RBFOX1: variants seen among roughly 807,000 people sequenced by gnomAD.
RBFOX1 encodes the protein RNA binding protein fox-1 homolog 1.
In RBFOX1, 8 loss-of-function variants were observed where a neutral mutation model predicts 57.7. The ratio of observed to expected loss-of-function variants is 0.14; its 90% confidence interval spans 0.08 to 0.25. The LOEUF is 0.25. Among genes scored for constraint, RBFOX1 ranks in the 10% least tolerant of loss-of-function variants. The pLI, the probability that RBFOX1 is intolerant of heterozygous loss-of-function variation, is 1.00. For synonymous variants in RBFOX1, 326 were observed against 222.4 expected (o/e 1.47, Z -4.15); for missense variants, 611 against 548.5 (o/e 1.11, Z -1.14).
intron 3 of RBFOX1, among the ~76,000 whole-genome samples, chr16:5,672,275 T>C (rs954142742): frequency 5.9e-5 from 9 of 152,086 alleles, no homozygotes; most frequent in Non-Finnish European, 1.0e-4. Flanking sequence ...CTCTGATGAG[T>C]AAAATGAATT....
At chr16:6,568,331 G>A (rs1387362402) in intron 2 of RBFOX1, among the ~76,000 whole-genome samples, 2 of 152,144 alleles carry the variant, frequency 1.3e-5, no homozygotes, top group African/African-American at 2.4e-5. Flanking sequence ...ATATTGGCAG[G>A]CCTCAGTTCT....
intron 1 of RBFOX1, among the ~76,000 whole-genome samples, chr16:6,132,399 G>A (rs115562408): frequency 2.6e-4 from 39 of 152,272 alleles, no homozygotes; most frequent in African/African-American, 8.4e-4. Context: ...CCACAGATAC[G>A]GTTACCACAG....
chr16:7,175,531 G>A (rs535331939), intron 4 of RBFOX1, among the ~76,000 whole-genome samples: 2 of 152,268 alleles, frequency 1.3e-5, no homozygotes, highest in South Asian at 4.1e-4. Flanking sequence ...TGGGCTGGTT[G>A]TGTGAACATG....
At chr16:6,293,172 T>C (rs2077651628) in intron 1 of RBFOX1, among the ~76,000 whole-genome samples, 1 of 152,162 alleles carries the variant, frequency 6.6e-6, no homozygotes, top group African/African-American at 2.4e-5. Flanking sequence ...ATTAAGTGGG[T>C]AATATTGTCA....
At chr16:5,610,486 G>C (rs1028893462) in intron 3 of RBFOX1, 1 of 152,190 alleles carries the variant, frequency 6.6e-6, no homozygotes, top group African/African-American at 2.4e-5. Flanking sequence ...ACCTAAAACT[G>C]TGGTCTTGGC....
At chr16:7,069,356 G>A (rs562460070) in intron 4 of RBFOX1, among the ~76,000 whole-genome samples, 79 of 152,146 alleles carry the variant, frequency 5.2e-4, no homozygotes, top group African/African-American at 1.8e-3. Flanking sequence ...CCTCCCATCA[G>A]TCTCCCCAAA....
intron 4 of RBFOX1, among the ~76,000 whole-genome samples, chr16:7,127,139 C>G (rs1428124717): frequency 6.6e-6 from 1 of 151,936 alleles, no homozygotes; most frequent in Non-Finnish European, 1.5e-5. Flanking sequence ...GGCTGGTGTT[C>G]TACCCCTGAC....
intron 4 of RBFOX1, among the ~76,000 whole-genome samples, chr16:7,152,942 G>A (rs1182006561): frequency 6.6e-6 from 1 of 152,126 alleles, no homozygotes; most frequent in Non-Finnish European, 1.5e-5. Context: ...AGGCAAGGAG[G>A]GAACCAAGGA....
rs551310588 is a variant in RBFOX1, at chr16:6,853,148, C to T, written c.-16+198498C>T. Among the ~76,000 whole-genome samples, 37 of 152,314 alleles carry T rather than the reference C, an allele frequency of 2.4e-4. 1 individual carries two copies. Among genetic ancestry groups the T allele is most frequent in the Non-Finnish European group, 1.3e-4 (9 of 68,030 alleles). On this transcript the variant is annotated intron_variant, in intron 3 of 15. Coordinates refer to ENST00000550418, the MANE Select transcript of RBFOX1 (RefSeq NM_018723.4). ...GTGCGAACTTGGGAAAGCTGCTTAA[C>T]TTCTCTGAGCCTGAGTTTCCTCCTT...
At chr16:7,452,996 G>T (rs1342092066) in intron 4 of RBFOX1, among the ~76,000 whole-genome samples, 2 of 152,008 alleles carry the variant, frequency 1.3e-5, no homozygotes, top group African/African-American at 2.4e-5. Context: ...GGGCATGGTG[G>T]TGCATGCCTG....
At chr16:7,368,716 C>T (rs1416368965) in intron 4 of RBFOX1, among the ~76,000 whole-genome samples, 1 of 150,310 alleles carries the variant, frequency 6.7e-6, no homozygotes, top group Non-Finnish European at 1.5e-5. Flanking sequence ...GGAGACAGAG[C>T]TTGCAGTGAG....
At chr16:6,582,461 A>ATTTT (rs5815331) in intron 2 of RBFOX1, among the ~76,000 whole-genome samples, 147 of 146,968 alleles carry the variant, frequency 1.0e-3, no homozygotes, top group Non-Finnish European at 1.3e-3. Context: ...GTTAGCGCCA[A>ATTTT]TTTTTTTTTT....
intron 3 of RBFOX1, among the ~76,000 whole-genome samples, chr16:6,669,059 T>C (rs1470440340): frequency 6.6e-6 from 1 of 152,222 alleles, no homozygotes; most frequent in African/African-American, 2.4e-5. Context: ...ACACTTTAGA[T>C]AGAAAGCATG....
At chr16:6,756,712 C>T (rs2075840082) in intron 3 of RBFOX1, among the ~76,000 whole-genome samples, 1 of 152,220 alleles carries the variant, frequency 6.6e-6, no homozygotes, top group African/African-American at 2.4e-5. Context: ...TGGTTCACGC[C>T]TGTAATCCCA....
At chr16:6,933,959 T>G (rs1440880611) in intron 3 of RBFOX1, among the ~76,000 whole-genome samples, 1 of 152,146 alleles carries the variant, frequency 6.6e-6, no homozygotes, top group Non-Finnish European at 1.5e-5. Flanking sequence ...AAAATCAAAG[T>G]ACTTATCACT....
chr16:7,005,986 G>A (rs958777526), intron 3 of RBFOX1, among the ~76,000 whole-genome samples: 2 of 152,118 alleles, frequency 1.3e-5, no homozygotes, highest in Non-Finnish European at 2.9e-5. Flanking sequence ...GTAACAGAAA[G>A]GCAAATCCTC....
chr16:7,342,584 G>C (rs1490449476), intron 4 of RBFOX1, among the ~76,000 whole-genome samples: 6 of 152,182 alleles, frequency 3.9e-5, no homozygotes, highest in Non-Finnish European at 8.8e-5. Context: ...TGGGAAAGGA[G>C]AATGTTTACA....
intron 1 of RBFOX1, among the ~76,000 whole-genome samples, chr16:6,184,731 T>C (rs35533856): frequency 7.9e-5 from 10 of 126,496 alleles, no homozygotes; most frequent in African/African-American, 1.5e-4. Flanking sequence ...GGCTCATTTT[T>C]TTTTTTTTTG....
At chr16:7,543,667 C>CTGTGTGTGTG (rs71150310) in intron 5 of RBFOX1, among the ~76,000 whole-genome samples, 18 of 141,518 alleles carry the variant, frequency 1.3e-4, no homozygotes, top group East Asian at 6.4e-4. Context: ...TGGGCAGTAT[C>CTGTGTGTGTG]TGTGTGTGTG....
Sources: gnomAD v4.1 joint callset for allele counts (sites outside exome capture counted in the v4.1 genomes callset) on GRCh38, gnomAD v4.1.1 for gene constraint, MANE v1.5 for transcripts, NCBI Gene and HGNC (gene_info 2026-07-23, HGNC 2026-07-21) for gene names.